IQCH: variants seen among roughly 807,000 people sequenced by gnomAD.
IQCH encodes the protein IQ domain-containing protein H.
A neutral mutation model predicts 117.0 loss-of-function variants in IQCH; 98 were observed. That is an observed-to-expected ratio of 0.84 (90% CI 0.71 to 0.99). The LOEUF (loss-of-function observed/expected upper bound fraction) is 0.99. Among genes scored for constraint, IQCH ranks in the 50% least tolerant of loss-of-function variants. IQCH has a pLI of 0.00. For synonymous variants in IQCH, 412 were observed against 448.2 expected, an observed-to-expected ratio of 0.92 and a Z score of 1.02; for missense variants, 1,102 against 1,243.8, an observed-to-expected ratio of 0.89 and a Z score of 1.72.
At position 67,359,934 on chromosome 15, in the gene IQCH, TC is replaced by T. The variant is rs1567125926; in HGVS notation, c.753+52del. 6.8e-7 allele frequency: 1 copy of T among 1,470,620 alleles called. No homozygotes were observed. The highest frequency in any genetic ancestry group is 9.5e-7 in the Non-Finnish European group (1 of 1,049,288). 91.1% of individuals were successfully genotyped at this position (1,470,620 alleles called of 1,614,324 possible). A position where few individuals can be genotyped will look rare whatever the true frequency, so the allele number is the denominator to read the frequency against. On this transcript the variant is annotated intron_variant, in intron 8 of 20. Coordinates refer to ENST00000335894, the MANE Select transcript of IQCH (RefSeq NM_001031715.3). The surrounding 1 kb of genome is among the most constrained non-coding windows in gnomAD (Gnocchi z 4.5). ...GAAATTTAGGGTCTGTCACCTGATGTCCCTTCCTTTTGCTGCAGGGCAAGAG... is the reference window on the plus strand; with the variant it reads ...GAAATTTAGGGTCTGTCACCTGATGTCCTTCCTTTTGCTGCAGGGCAAGAG...
rs1033983968 is a variant in IQCH, at chr15:67,422,882, G to A, written c.2505+1305G>A. On this transcript the variant is annotated intron_variant, in intron 16 of 20. Coordinates refer to ENST00000335894, the MANE Select transcript of IQCH (RefSeq NM_001031715.3). The surrounding 1 kb of genome is among the most constrained non-coding windows in gnomAD (Gnocchi z 4.7). ...ATGTCCAGACCTCTGTCTAAAGGGCGAAATGACCTCCTGGCCTTCCTCTCT... is the reference window on the plus strand; with the variant it reads ...ATGTCCAGACCTCTGTCTAAAGGGCAAAATGACCTCCTGGCCTTCCTCTCT... 2.6e-5 allele frequency among the ~76,000 whole-genome samples: 4 copies of A among 152,158 alleles called. No homozygotes were observed. Among genetic ancestry groups the A allele is most frequent in the Non-Finnish European group, 4.4e-5 (3 of 68,038 alleles).
intron 18 of IQCH, 85 bp from the exon 19 acceptor site, chr15:67,489,918 G>C: frequency 1.1e-6 from 1 of 931,328 alleles, no homozygotes; most frequent in East Asian, 2.4e-5. Flanking sequence ...ATCAATCTTA[G>C]TAGTCTTTCT....
chr15:67,305,822 A>G (rs1967265036), intron 4 of IQCH, among the ~76,000 whole-genome samples: 1 of 152,100 alleles, frequency 6.6e-6, no homozygotes, highest in South Asian at 2.1e-4. Context: ...AGATTTCAAA[A>G]TTATATCCAA....
Position 67,496,380 on chromosome 15 carries a change from T to C in IQCH, c.2970+2014T>C, listed in dbSNP as rs1266615393. 1.3e-5 allele frequency among the ~76,000 whole-genome samples: 2 copies of C among 152,176 alleles called. No individual in the cohort carries two copies. Among genetic ancestry groups the C allele is most frequent in the Non-Finnish European group, 2.9e-5 (2 of 68,014 alleles). On this transcript the variant is annotated intron_variant, in intron 20 of 20. Transcript: ENST00000335894. The surrounding 1 kb of genome is among the most constrained non-coding windows in gnomAD (Gnocchi z 4.4). ...AACAAAGTAAAAATAGAAGGTAACT[T>C]CCTCAACCTTATAAGGACATCTACC...
intron 16 of IQCH, among the ~76,000 whole-genome samples, chr15:67,461,970 CTTTA>C (rs781260531): frequency 9.9e-5 from 15 of 152,124 alleles, no homozygotes; most frequent in Admixed American, 2.6e-4. Context: ...CTGTAATGAA[CTTTA>C]TTTGTTTAAT....
At chr15:67,489,428 C>T (rs532407856) in intron 18 of IQCH, among the ~76,000 whole-genome samples, 5 of 152,202 alleles carry the variant, frequency 3.3e-5, no homozygotes, top group Admixed American at 2.6e-4. Flanking sequence ...CAGGTTCAAG[C>T]GATTCTCCTG....
intron 8 of IQCH, among the ~76,000 whole-genome samples, chr15:67,361,183 A>G (rs558691618): frequency 1.4e-4 from 21 of 152,206 alleles, no homozygotes; most frequent in Non-Finnish European, 2.4e-4. Flanking sequence ...TGCCTGTTCC[A>G]GGTTATGAAT....
In IQCH at chr15:67,417,080, G is replaced by T. The variant is rs747250479; in HGVS notation, c.2218+29G>T. On this transcript the variant is annotated intron_variant, in intron 15 of 20. Transcript: ENST00000335894. This position sits in a 1 kb window ranked among gnomAD's most constrained non-coding sequence, Gnocchi z 4.3. ...AATAAGACTGTAAAGTTTCTATTGA[G>T]GATTAGTCTACACAACCTTGGATTC... 1 of 1,578,834 alleles carries T rather than the reference G, an allele frequency of 6.3e-7. No individual in the cohort carries two copies. The highest frequency in any genetic ancestry group is 8.6e-7 in the Non-Finnish European group (1 of 1,163,480).
At chr15:67,308,934 G>T (rs1967447845) in intron 4 of IQCH, among the ~76,000 whole-genome samples, 1 of 151,958 alleles carries the variant, frequency 6.6e-6, no homozygotes, top group Non-Finnish European at 1.5e-5. Context: ...ATTTATAGTG[G>T]TATGTTTCTT....
chr15:67,357,913 G>T (rs1459364318), intron 7 of IQCH, among the ~76,000 whole-genome samples: 1 of 151,910 alleles, frequency 6.6e-6, no homozygotes, highest in Non-Finnish European at 1.5e-5. Context: ...AGGCTGGAGT[G>T]CAGTGCACTA....
At position 67,391,185 on chromosome 15, in the gene IQCH, T is replaced by C. The variant is rs1328170282; in HGVS notation, c.1632+2179T>C. ...CTCACAGATGCACATAGTATAGGTT[T>C]ACATCTTTGTGAGTAGAAACAAGTA... is the stretch of plus-strand genomic sequence containing the variant. On this transcript the variant is annotated intron_variant, in intron 12 of 20. Coordinates refer to ENST00000335894, the MANE Select transcript of IQCH (RefSeq NM_001031715.3). This position sits in a 1 kb window ranked among gnomAD's most constrained non-coding sequence, Gnocchi z 4.3. Among the ~76,000 whole-genome samples, 1 of 152,184 alleles carries C rather than the reference T, an allele frequency of 6.6e-6. No individual in the cohort carries two copies. The highest frequency in any genetic ancestry group is 1.5e-5 in the Non-Finnish European group (1 of 68,036).
chr15:67,490,064 TG>T lies in IQCH; in HGVS notation c.2861+1del. 6.2e-7 allele frequency: 1 copy of T among 1,603,600 alleles called. No individual in the cohort carries two copies. Among genetic ancestry groups the T allele is most frequent in the Non-Finnish European group, 8.5e-7 (1 of 1,172,248 alleles). On this transcript the variant is annotated splice_donor_variant, in intron 19 of 20. Transcript: ENST00000335894. LOFTEE classifies it high-confidence loss of function. The surrounding 1 kb of genome is among the most constrained non-coding windows in gnomAD (Gnocchi z 4.9). Reference sequence around the variant, plus strand: ...CTGAAGAGACACAAGTTGGGAATGTTGTGAGTATGAAGTGTATCTGTGAGTT... The same window carrying T: ...CTGAAGAGACACAAGTTGGGAATGTTTGAGTATGAAGTGTATCTGTGAGTT...
At position 67,494,462 on chromosome 15, in the gene IQCH, T is replaced by G. The variant is rs1044756157; in HGVS notation, c.2970+96T>G. 3 of 774,588 alleles carry G rather than the reference T, an allele frequency of 3.9e-6. No homozygotes were observed. In the African/African-American group the frequency reaches 5.2e-5, roughly 13 times the overall value. 48.0% of individuals were successfully genotyped at this position (774,588 alleles called of 1,614,324 possible). ...GTAAACAAGTGCTAAACCATCTTTT[T>G]TTTATTGTAAGCAGTACATATTTTA... On this transcript the variant is annotated intron_variant, in intron 20 of 20. Transcript: ENST00000335894. This position sits in a 1 kb window ranked among gnomAD's most constrained non-coding sequence, Gnocchi z 5.5.
intron 6 of IQCH, among the ~76,000 whole-genome samples, chr15:67,353,503 G>A (rs755533315): frequency 2.0e-4 from 31 of 151,950 alleles, no homozygotes; most frequent in Non-Finnish European, 4.4e-4. Flanking sequence ...GGGACTACAG[G>A]TGCGCGCCAC....
intron 3 of IQCH, among the ~76,000 whole-genome samples, chr15:67,275,483 T>G (rs561840140): frequency 6.6e-6 from 1 of 152,168 alleles, no homozygotes; most frequent in Non-Finnish European, 1.5e-5. Flanking sequence ...TTTTCTGTTA[T>G]GGGAGCATGA....
chr15:67,357,290 C>T, intron 6 of IQCH, 55 bp from the exon 7 acceptor site: 1 of 1,200,814 alleles, frequency 8.3e-7, no homozygotes, highest in Non-Finnish European at 1.2e-6. Context: ...AGCATCCAAC[C>T]AGTGACTCAG....
chr15:67,374,513 AATT>A (rs1488150893), intron 10 of IQCH, among the ~76,000 whole-genome samples: 2 of 152,192 alleles, frequency 1.3e-5, no homozygotes, highest in African/African-American at 4.8e-5. Context: ...TATACAATAT[AATT>A]ATTTTTAAAT....
At position 67,457,401 on chromosome 15, in the gene IQCH, T is replaced by C. The variant is rs1427340471; in HGVS notation, c.2506-7726T>C. Among the ~76,000 whole-genome samples the C allele has an allele frequency of 6.6e-6, 1 of 152,172 alleles. No homozygotes were observed. Among genetic ancestry groups the C allele is most frequent in the Non-Finnish European group, 1.5e-5 (1 of 68,036 alleles). On this transcript the variant is annotated intron_variant, in intron 16 of 20. Coordinates refer to ENST00000335894, the MANE Select transcript of IQCH (RefSeq NM_001031715.3). This position sits in a 1 kb window ranked among gnomAD's most constrained non-coding sequence, Gnocchi z 5.7. ...TTAGTAACTGCCTAAGAAAACGTGT[T>C]CTGTTTATAATAGCTGGGATTCTGA...
rs1482899171 is a variant in IQCH at position 67,457,921 on chromosome 15, G to A, written c.2506-7206G>A. On this transcript the variant is annotated intron_variant, in intron 16 of 20. Transcript: ENST00000335894. The surrounding 1 kb of genome is among the most constrained non-coding windows in gnomAD (Gnocchi z 5.7). ...CACCTTACTGCATCTTAGCCTAAAC[G>A]TGATGAGAAGTGGACTGAGCTGCCT... Among the ~76,000 whole-genome samples, 2 of 152,134 alleles carry A rather than the reference G, an allele frequency of 1.3e-5. No homozygotes were observed. The highest frequency in any genetic ancestry group is 2.4e-5 in the African/African-American group (1 of 41,408).
Sources: allele counts gnomAD v4.1 joint callset (sites outside exome capture counted in the v4.1 genomes callset), GRCh38; gene constraint gnomAD v4.1.1; non-coding constraint Gnocchi (gnomAD v3.1); transcripts MANE v1.5; gene names NCBI Gene and HGNC (gene_info 2026-07-23, HGNC 2026-07-21).